The following KLHL15 variants were observed in gnomAD, a reference collection of about 807,000 sequenced individuals.
The protein encoded by KLHL15 is kelch-like protein 15.
Under a neutral mutation model 29.3 loss-of-function variants are expected in KLHL15, and 1 was observed. The ratio of observed to expected loss-of-function variants is 0.03; its 90% CI spans 0.01 to 0.16. KLHL15 has a LOEUF of 0.16. KLHL15 is among the 10% of genes least tolerant of loss of function. The probability of loss-of-function intolerance (pLI) is 1.00; values close to 1 mark genes in which losing one functional copy is unlikely to be tolerated. For missense variants in KLHL15, 215 were observed against 478.5 expected (o/e 0.45, Z 5.14); for synonymous variants, 212 against 184.5 (o/e 1.15, Z -1.21).
chrX:24,024,812 C>A, intron 2 of KLHL15, 45 bp downstream of exon 2: 1 of 297,437 alleles, frequency 3.4e-6, no homozygotes. Context: ...GGGCCGCGGG[C>A]GAAGCCCGGG....
At chrX:23,994,803 T>C (rs1929153266) in intron 3 of KLHL15, among the ~76,000 whole-genome samples, 1 of 111,712 alleles carries the variant, frequency 9.0e-6, no homozygotes. Context: ...TATAATTATA[T>C]ATAATTTCAG....
chrX:24,025,397 CCGGGCCGCGCGCCCCCTG>C (rs1247029908), intron 1 of KLHL15, among the ~76,000 whole-genome samples: 70 of 106,491 alleles, frequency 6.6e-4, no homozygotes, highest in East Asian at 4.3e-3. Flanking sequence ...GGGGGCCGCT[CCGGGCCGCGCGCCCCCTG>C]CGGGCCGCGG....
intron 3 of KLHL15, among the ~76,000 whole-genome samples, chrX:23,995,654 T>C (rs1929173006): frequency 9.0e-6 from 1 of 111,133 alleles, no homozygotes; most frequent in African/African-American, 3.3e-5. Flanking sequence ...CTTGAACTCG[T>C]GACATCATGA....
In KLHL15 at chrX:23,991,523, A is replaced by AAAACAAAC. The variant is rs768799405; in HGVS notation, c.706-2501_706-2494dup. Reference sequence around the variant, plus strand: ...AACAACAGCGAAACTCTTATCTCCAAAAACAAACAAACAAACAAACAAACA... The same window carrying AAAACAAAC: ...AACAACAGCGAAACTCTTATCTCCAAAAACAAACAAACAAACAAACAAACAAACAAACA... On this transcript the variant is annotated intron_variant, in intron 3 of 3. Transcript: ENST00000328046. Among the ~76,000 whole-genome samples, 526 of 109,779 alleles carry AAAACAAAC rather than the reference A, an allele frequency of 4.8e-3. 4 individuals carry two copies. Among genetic ancestry groups the AAAACAAAC allele is most frequent in the African/African-American group, 0.017 (499 of 30,082 alleles).
chrX:24,023,587 A>C (rs1452985409), intron 2 of KLHL15, among the ~76,000 whole-genome samples: 3 of 112,152 alleles, frequency 2.7e-5, no homozygotes, highest in African/African-American at 9.7e-5. Context: ...TTGATATGCC[A>C]AGTAAAAATG....
intron 3 of KLHL15, among the ~76,000 whole-genome samples, chrX:24,003,035 T>A (rs764006674): frequency 1.8e-5 from 2 of 112,669 alleles, no homozygotes; most frequent in East Asian, 5.6e-4. Context: ...AGAATTTTCA[T>A]AGCTCTTTAA....
chrX:24,025,871 G>A, intron 1 of KLHL15, among the ~76,000 whole-genome samples: 1 of 110,354 alleles, frequency 9.1e-6, no homozygotes. Flanking sequence ...CCCCCGCGGC[G>A]CCGCCGTCGG....
intron 2 of KLHL15, among the ~76,000 whole-genome samples, chrX:24,020,565 T>G (rs1186553904): frequency 9.0e-6 from 1 of 111,639 alleles, no homozygotes; most frequent in Non-Finnish European, 1.9e-5. Context: ...GTTTAGCATT[T>G]CGTCATCCTA....
intron 2 of KLHL15, among the ~76,000 whole-genome samples, chrX:24,021,256 A>G (rs1321105644): frequency 9.0e-6 from 1 of 111,190 alleles, no homozygotes; most frequent in African/African-American, 3.3e-5. Context: ...CTGTTCCTTG[A>G]AAACCAGCTA....
intron 3 of KLHL15, among the ~76,000 whole-genome samples, chrX:23,997,629 GC>G (rs747131167): frequency 9.7e-6 from 1 of 103,011 alleles, no homozygotes; most frequent in South Asian, 4.8e-4. Context: ...TACTCGGGAG[GC>G]TGAGGCAGGA....
intron 3 of KLHL15, among the ~76,000 whole-genome samples, chrX:23,993,231 T>TA (rs1929120844): frequency 9.6e-6 from 1 of 104,225 alleles, no homozygotes; most frequent in Non-Finnish European, 1.9e-5. Context: ...TAAGGCTGCT[T>TA]AATTGCTTTC....
Position 23,988,272 on chromosome X carries a change from G to A in KLHL15, c.1464C>T (p.Gly488=), listed in dbSNP as rs773392932. 7 of 1,211,257 alleles carry A rather than the reference G, an allele frequency of 5.8e-6. No individual in the cohort carries two copies. In the South Asian group the frequency reaches 1.2e-4, roughly 21 times the overall value. ...AGACACCACCGAAGACATAAAGCTT[G>A]CCATTGTAAGAAATCATCTTGTGAA... The part of the protein sequence containing the change: ...RCFHKMISYN[G]KLYVFGGVCV... The change falls in exon 4 of 4, where the codon GGC becomes GGT. Residue 488 remains glycine (G), a synonymous_variant. Transcript: ENST00000328046.
At chrX:24,013,236 G>C (rs995821836) in intron 2 of KLHL15, among the ~76,000 whole-genome samples, 1 of 110,113 alleles carries the variant, frequency 9.1e-6, no homozygotes, top group Non-Finnish European at 1.9e-5. Context: ...AATCTCCTGA[G>C]TAGGCACACC....
intron 2 of KLHL15, among the ~76,000 whole-genome samples, chrX:24,020,813 C>T (rs1428924070): frequency 8.9e-6 from 1 of 111,831 alleles, no homozygotes; most frequent in Non-Finnish European, 1.9e-5. Flanking sequence ...AACATGAAAT[C>T]ACAAATACTG....
intron 2 of KLHL15, among the ~76,000 whole-genome samples, chrX:24,022,835 T>C (rs759336826): frequency 3.5e-3 from 374 of 106,261 alleles, no homozygotes; most frequent in Middle Eastern, 0.023. Flanking sequence ...TTCTCCCGCC[T>C]CAGCCTCCCG....
rs761700510 is a variant in KLHL15 at position 23,988,077 on chromosome X, A to G, written c.1659T>C (p.Asn553=). Residue 553 remains asparagine (N), a synonymous_variant, in exon 4 of 4, where the codon AAT becomes AAC. Coordinates refer to ENST00000328046, the MANE Select transcript of KLHL15 (RefSeq NM_030624.3). The stretch of plus-strand genomic sequence containing the variant: ...TGAGGATGGAATCGCTGTAATGACC[A>G]TTATAACAAAGGCCTCCAAGAACCA... ...QIMVLGGLCY[N]GHYSDSILTF... 3 of 1,211,363 alleles carry G rather than the reference A, an allele frequency of 2.5e-6. No individual in the cohort carries two copies. Among genetic ancestry groups the G allele is most frequent in the Non-Finnish European group, 2.2e-6 (2 of 895,328 alleles).
chrX:24,010,980 A>G (rs1049899439), intron 2 of KLHL15, among the ~76,000 whole-genome samples: 3 of 110,417 alleles, frequency 2.7e-5, no homozygotes, highest in Non-Finnish European at 3.8e-5. Flanking sequence ...CTGAGCCCTC[A>G]GTTGCCAAGA....
At chrX:23,995,714 C>A (rs954894908) in intron 3 of KLHL15, among the ~76,000 whole-genome samples, 4 of 110,008 alleles carry the variant, frequency 3.6e-5, no homozygotes, top group African/African-American at 1.3e-4. Context: ...CATGAGCCAC[C>A]GTGCCCAGCC....
intron 3 of KLHL15, among the ~76,000 whole-genome samples, chrX:23,990,594 G>A (rs772702661): frequency 1.8e-5 from 2 of 111,709 alleles, no homozygotes; most frequent in South Asian, 7.5e-4. Context: ...GACTTGAGGT[G>A]ATGGAAAGAG....
Sources: allele counts gnomAD v4.1 joint callset (sites outside exome capture counted in the v4.1 genomes callset), GRCh38; gene constraint gnomAD v4.1.1; transcripts MANE v1.5; gene names NCBI Gene and HGNC (gene_info 2026-07-23, HGNC 2026-07-21).